GOLM2: variants seen among roughly 807,000 people sequenced by gnomAD.
GOLM2 encodes the protein protein GOLM2.
Under a neutral mutation model 55.9 loss-of-function variants are expected in GOLM2, and 26 were observed. The observed-to-expected ratio is 0.47, with a 90% CI of 0.34 to 0.65. The LOEUF (loss-of-function observed/expected upper bound fraction) is 0.65, where lower values mean the gene tolerates loss of function less well. GOLM2 is among the 30% of genes least tolerant of loss of function. The probability of loss-of-function intolerance (pLI) is 0.01; values close to 1 mark genes in which losing one functional copy is unlikely to be tolerated. For synonymous variants in GOLM2, 165 were observed against 194.6 expected, an observed-to-expected ratio of 0.85 and a Z score of 1.27; for missense variants, 486 against 531.8, an observed-to-expected ratio of 0.91 and a Z score of 0.85.
intron 4 of GOLM2, among the ~76,000 whole-genome samples, chr15:44,336,175 G>T (rs949645396): frequency 1.0e-4 from 15 of 149,968 alleles, no homozygotes; most frequent in African/African-American, 3.4e-4. Context: ...GGAGTGCAGT[G>T]GTGCCATCTT....
rs149770903 is a variant in GOLM2, at chr15:44,340,449, G to A, written c.802+2132G>A. 2.5e-3 allele frequency among the ~76,000 whole-genome samples: 383 copies of A among 152,146 alleles called. 2 individuals are homozygous for A. Among genetic ancestry groups the A allele is most frequent in the African/African-American group, 7.6e-3 (316 of 41,510 alleles). On this transcript the variant is annotated intron_variant, in intron 6 of 9. Transcript: ENST00000299957. ...CTAATATTTTTATTTCTGTAGAGAC[G>A]GTGCCTCACTGTTGCCCAGGCTACT...
chr15:44,329,998 C>A (rs2079011109), intron 3 of GOLM2, among the ~76,000 whole-genome samples: 1 of 149,404 alleles, frequency 6.7e-6, no homozygotes, highest in Non-Finnish European at 1.5e-5. Flanking sequence ...GCAAGCTCTG[C>A]CTCCCGGGTT....
intron 6 of GOLM2, among the ~76,000 whole-genome samples, chr15:44,343,331 A>G (rs963920964): frequency 6.6e-6 from 1 of 151,772 alleles, no homozygotes; most frequent in Non-Finnish European, 1.5e-5. Flanking sequence ...AAAAAAAAAA[A>G]CCAACTTAGT....
At chr15:44,299,431 T>C (rs2078781307) in intron 1 of GOLM2, among the ~76,000 whole-genome samples, 1 of 152,044 alleles carries the variant, frequency 6.6e-6, no homozygotes, top group Non-Finnish European at 1.5e-5. Flanking sequence ...TAGCTGGGAT[T>C]ACAGGCACGC....
At position 44,336,471 on chromosome 15, in the gene GOLM2, T is replaced by G. The variant is rs192296310; in HGVS notation, c.577-1292T>G. On this transcript the variant is annotated intron_variant, in intron 4 of 9. Coordinates refer to ENST00000299957, the MANE Select transcript of GOLM2 (RefSeq NM_138423.4). ...TTTGTTTTTCTCAAAACTATTAATT[T>G]TATTTCTACTAGAGGACAGCTATGA... Among the ~76,000 whole-genome samples the G allele has an allele frequency of 2.6e-5, 4 of 152,344 alleles. 1 individual carries two copies. The highest frequency in any genetic ancestry group is 2.6e-4 in the Admixed American group (4 of 15,302).
chr15:44,349,119 C>T (rs201982940), intron 6 of GOLM2, among the ~76,000 whole-genome samples: 8 of 151,642 alleles, frequency 5.3e-5, no homozygotes, highest in African/African-American at 9.7e-5. Context: ...ATTAGTGGGA[C>T]GTGGTGGTGC....
chr15:44,328,760 A>G lies in GOLM2; in HGVS notation c.458A>G (p.Tyr153Cys), dbSNP rs763234391. 2 of 1,610,166 alleles carry G rather than the reference A, an allele frequency of 1.2e-6. No homozygotes were observed. Among genetic ancestry groups the G allele is most frequent in the Non-Finnish European group, 8.5e-7 (1 of 1,178,518 alleles). The change falls in exon 3 of 10, where the codon TAC (tyrosine) becomes TGC (cysteine). Residue 153 changes from tyrosine to cysteine, a missense_variant. By Grantham distance (194) the Tyr-to-Cys change is radical. Coordinates refer to ENST00000299957, the MANE Select transcript of GOLM2 (RefSeq NM_138423.4). ...CAGGACTATAGGAAGAACAATACTTACCTTGTGAAGAGGTTAGAATATGAA... is the reference window on the plus strand; with the variant it reads ...CAGGACTATAGGAAGAACAATACTTGCCTTGTGAAGAGGTTAGAATATGAA... The part of the protein sequence containing the change: ...QLQDYRKNNT[Y>C]LVKRLEYESF...
intron 9 of GOLM2, among the ~76,000 whole-genome samples, chr15:44,403,671 C>G (rs139973546): frequency 0.013 from 1,932 of 152,130 alleles, 50 homozygotes; most frequent in African/African-American, 0.045. Context: ...TAGACTTTAC[C>G]TAAGGCAAAT....
chr15:44,298,735 G>A (rs2078775866), intron 1 of GOLM2, among the ~76,000 whole-genome samples: 1 of 152,022 alleles, frequency 6.6e-6, no homozygotes, highest in Non-Finnish European at 1.5e-5. Flanking sequence ...TTTTCCTGCG[G>A]GAAAAATTGT....
At chr15:44,402,847 C>G in intron 8 of GOLM2, 40 bp from the exon 9 acceptor site, 1 of 1,601,074 alleles carries the variant, frequency 6.2e-7, no homozygotes, top group Non-Finnish European at 8.5e-7. Context: ...TTCTTTTCTT[C>G]TCTCTTTACT....
chr15:44,403,036 G>A lies in GOLM2; in HGVS notation c.1222G>A (p.Gly408Arg), dbSNP rs1322358126. The A allele has an allele frequency of 3.1e-6, 5 of 1,614,090 alleles. No individual in the cohort carries two copies. The highest frequency in any genetic ancestry group is 4.2e-6 in the Non-Finnish European group (5 of 1,180,020). Residue 408 changes from glycine (G) to arginine (R), a missense_variant, in exon 9 of 10, where the codon GGA becomes AGA. Transcript: ENST00000299957. Reference protein sequence around the residue: ...AYNEEEDGDGGEEDVQDDEER... With the variant: ...AYNEEEDGDGREEDVQDDEER... ...CAATGAGGAAGAAGATGGTGATGGT[G>A]GAGAGGAAGACGTCCAAGGTGAGCG...
At chr15:44,377,899 C>G (rs750977916) in intron 6 of GOLM2, among the ~76,000 whole-genome samples, 1 of 151,342 alleles carries the variant, frequency 6.6e-6, no homozygotes, top group Non-Finnish European at 1.5e-5. Context: ...CAGAGAGATA[C>G]TCTTCAGATG....
At chr15:44,329,326 T>C (rs1022734848) in intron 3 of GOLM2, among the ~76,000 whole-genome samples, 3 of 152,192 alleles carry the variant, frequency 2.0e-5, no homozygotes, top group African/African-American at 7.2e-5. Context: ...GTAAAAGATA[T>C]TTTTTAGATT....
intron 1 of GOLM2, among the ~76,000 whole-genome samples, chr15:44,292,094 T>A (rs2078724537): frequency 1.3e-5 from 2 of 152,070 alleles, no homozygotes; most frequent in African/African-American, 2.4e-5. Context: ...TAACTACTTT[T>A]AAGTGTTTGG....
At chr15:44,298,010 G>A (rs376110652) in intron 1 of GOLM2, among the ~76,000 whole-genome samples, 5 of 151,414 alleles carry the variant, frequency 3.3e-5, no homozygotes, top group East Asian at 1.9e-4. Context: ...TGGGATTACA[G>A]GCACGCACCA....
chr15:44,302,858 G>A (rs980705617), intron 1 of GOLM2, among the ~76,000 whole-genome samples: 6 of 151,976 alleles, frequency 3.9e-5, no homozygotes, highest in East Asian at 3.9e-4. Context: ...TAATCCCAGC[G>A]CTTTAGGAAG....
chr15:44,397,478 C>CAAAAAAAA (rs1007948393), intron 8 of GOLM2, among the ~76,000 whole-genome samples: 35 of 32,474 alleles, frequency 1.1e-3, no homozygotes, highest in African/African-American at 1.8e-3. Context: ...GACTCCGTCT[C>CAAAAAAAA]AAAAAAAAAA....
At chr15:44,389,160 C>G (rs1174331462) in intron 8 of GOLM2, among the ~76,000 whole-genome samples, 1 of 152,104 alleles carries the variant, frequency 6.6e-6, no homozygotes, top group East Asian at 1.9e-4. Flanking sequence ...TAGTTTTCTT[C>G]TTTTTTGACT....
chr15:44,393,996 T>G (rs888609512), intron 8 of GOLM2, among the ~76,000 whole-genome samples: 7 of 152,172 alleles, frequency 4.6e-5, no homozygotes, highest in African/African-American at 1.7e-4. Flanking sequence ...CCCGACCTAC[T>G]GTGCTATTTT....
Sources: gnomAD v4.1 joint callset for allele counts (sites outside exome capture counted in the v4.1 genomes callset) on GRCh38, gnomAD v4.1.1 for gene constraint, MANE v1.5 for transcripts, NCBI Gene and HGNC (gene_info 2026-07-23, HGNC 2026-07-21) for gene names.